The following ZDHHC15 variants were observed in gnomAD, a reference collection of about 807,000 sequenced individuals.
ZDHHC15 encodes the protein palmitoyltransferase ZDHHC15.
A neutral mutation model predicts 31.7 loss-of-function variants in ZDHHC15; 19 were observed. That is an observed-to-expected ratio of 0.60 (90% CI 0.42 to 0.88). The LOEUF (loss-of-function observed/expected upper bound fraction) is 0.88, where lower values mean the gene tolerates loss of function less well. ZDHHC15 is among the 40% of genes least tolerant of loss of function. ZDHHC15 has a pLI of 0.00. For missense variants in ZDHHC15, 209 were observed against 251.2 expected, an observed-to-expected ratio of 0.83 and a Z score of 1.14; for synonymous variants, 103 against 90.0, an observed-to-expected ratio of 1.14 and a Z score of -0.82.
chrX:75,427,728 G>A (rs1002670472), intron 7 of ZDHHC15, among the ~76,000 whole-genome samples: 7 of 111,412 alleles, frequency 6.3e-5, no homozygotes, highest in South Asian at 3.8e-4. Flanking sequence ...AGGAAGAGAT[G>A]ATGAAGCATT....
chrX:75,449,180 C>T (rs1465686185), intron 4 of ZDHHC15, among the ~76,000 whole-genome samples: 1 of 100,512 alleles, frequency 9.9e-6, no homozygotes, highest in Non-Finnish European at 2.0e-5. Context: ...GCTGATTCCT[C>T]ATAATCTCTC....
intron 3 of ZDHHC15, among the ~76,000 whole-genome samples, chrX:75,476,097 A>G (rs1301041567): frequency 2.7e-5 from 3 of 111,414 alleles, no homozygotes; most frequent in Non-Finnish European, 5.7e-5. Context: ...TTCATTTATT[A>G]TTTATAATAG....
chrX:75,396,806 T>C (rs2083303665), intron 10 of ZDHHC15, among the ~76,000 whole-genome samples: 1 of 111,104 alleles, frequency 9.0e-6, no homozygotes, highest in South Asian at 3.8e-4. Context: ...TATTGAGCCA[T>C]AAAAAAATAA....
chrX:75,497,970 G>T (rs886980735), intron 2 of ZDHHC15, among the ~76,000 whole-genome samples: 5 of 93,089 alleles, frequency 5.4e-5, no homozygotes, highest in Non-Finnish European at 1.0e-4. Flanking sequence ...TTTTGCTCTT[G>T]TTGCCCAGGC....
At chrX:75,396,900 G>A (rs907122575) in intron 10 of ZDHHC15, among the ~76,000 whole-genome samples, 7 of 111,774 alleles carry the variant, frequency 6.3e-5, no homozygotes, top group Non-Finnish European at 3.8e-5. Context: ...AAAGACAAAC[G>A]TCACATGTTC....
At chrX:75,381,354 G>T (rs977378443) in intron 10 of ZDHHC15, among the ~76,000 whole-genome samples, 3 of 111,129 alleles carry the variant, frequency 2.7e-5, no homozygotes, top group Non-Finnish European at 5.7e-5. Context: ...GGATTTAACT[G>T]CCATCTCTAT....
intron 10 of ZDHHC15, among the ~76,000 whole-genome samples, chrX:75,404,655 T>A (rs1448692516): frequency 9.0e-6 from 1 of 111,680 alleles, no homozygotes; most frequent in Non-Finnish European, 1.9e-5. Context: ...ATTAGAGAAA[T>A]GCAAATCAAA....
chrX:75,448,629 G>A (rs1463092038), intron 4 of ZDHHC15, among the ~76,000 whole-genome samples: 1 of 111,655 alleles, frequency 9.0e-6, no homozygotes, highest in African/African-American at 3.3e-5. Context: ...CTATTCTTCT[G>A]TGGAAGGGGT....
At chrX:75,407,332 G>A (rs1047453940) in intron 10 of ZDHHC15, among the ~76,000 whole-genome samples, 11 of 110,997 alleles carry the variant, frequency 9.9e-5, no homozygotes, top group Admixed American at 2.8e-4. Flanking sequence ...CCCTCCACCC[G>A]GCAGCCACCC....
At chrX:75,449,695 T>C (rs1039104470) in intron 4 of ZDHHC15, among the ~76,000 whole-genome samples, 13 of 112,279 alleles carry the variant, frequency 1.2e-4, no homozygotes, top group African/African-American at 3.9e-4. Context: ...TTAAAAAATA[T>C]TTGCTGAATA....
intron 1 of ZDHHC15, among the ~76,000 whole-genome samples, chrX:75,516,741 C>G (rs1248736697): frequency 1.8e-5 from 2 of 111,935 alleles, no homozygotes; most frequent in Admixed American, 1.9e-4. Flanking sequence ...CAAATGGGAT[C>G]TAATTAAACT....
At chrX:75,430,942 A>G (rs1361945018) in intron 5 of ZDHHC15, among the ~76,000 whole-genome samples, 1 of 111,466 alleles carries the variant, frequency 9.0e-6, no homozygotes, top group Non-Finnish European at 1.9e-5. Flanking sequence ...AAGGTTATCA[A>G]AAACAAGTCT....
intron 2 of ZDHHC15, among the ~76,000 whole-genome samples, chrX:75,485,778 C>T (rs73494475): frequency 0.018 from 2,070 of 112,306 alleles, 56 homozygotes; most frequent in African/African-American, 0.063. Context: ...TCACTCCATC[C>T]GTAACTCTGT....
At chrX:75,475,981 T>C (rs2084597528) in intron 3 of ZDHHC15, among the ~76,000 whole-genome samples, 2 of 111,700 alleles carry the variant, frequency 1.8e-5, no homozygotes, top group South Asian at 7.4e-4. Flanking sequence ...CTATTATAAA[T>C]GAAATTGCTT....
At chrX:75,426,385 T>A (rs957404509) in intron 7 of ZDHHC15, among the ~76,000 whole-genome samples, 3 of 110,932 alleles carry the variant, frequency 2.7e-5, no homozygotes, top group African/African-American at 9.8e-5. Context: ...TCAAAGAACA[T>A]TTTTCTGTCT....
chrX:75,377,061 G>C (rs2083067766), intron 11 of ZDHHC15, among the ~76,000 whole-genome samples: 1 of 111,310 alleles, frequency 9.0e-6, no homozygotes, highest in Non-Finnish European at 1.9e-5. Context: ...TCTACTGATA[G>C]ACATTCAGGT....
At chrX:75,511,654 C>A (rs775358274) in intron 1 of ZDHHC15, among the ~76,000 whole-genome samples, 23 of 106,277 alleles carry the variant, frequency 2.2e-4, no homozygotes, top group Non-Finnish European at 7.7e-5. Context: ...TCCTTGCCCA[C>A]GCCTATGAAG....
At position 75,421,399 on chromosome X, in the gene ZDHHC15, T is replaced by TTA. The variant is rs1458095262; in HGVS notation, c.863+463_863+464dup. Among the ~76,000 whole-genome samples the TTA allele has an allele frequency of 2.2e-3, 28 of 12,726 alleles. 1 individual carries two copies. The East Asian group carries it at 0.14, about 64-fold the overall frequency. 11.1% of individuals were successfully genotyped at this position (12,726 alleles called of 115,157 possible). On this transcript the variant is annotated intron_variant, in intron 9 of 11. Coordinates refer to ENST00000373367, the MANE Select transcript of ZDHHC15 (RefSeq NM_144969.3). ...TCCAGTATGTGTGTATATATATATA[T>TTA]TATATATATATAATATATATATAAT...
At chrX:75,474,958 G>T (rs1400483684) in intron 3 of ZDHHC15, among the ~76,000 whole-genome samples, 1 of 110,462 alleles carries the variant, frequency 9.1e-6, no homozygotes, top group East Asian at 2.8e-4. Flanking sequence ...TACTCGGGAG[G>T]CTGAGGCAGG....
Sources: gnomAD v4.1 joint callset for allele counts (sites outside exome capture counted in the v4.1 genomes callset) on GRCh38, gnomAD v4.1.1 for gene constraint, MANE v1.5 for transcripts, NCBI Gene and HGNC (gene_info 2026-07-23, HGNC 2026-07-21) for gene names.